DGKD: variants seen among roughly 807,000 people sequenced by gnomAD.
The protein encoded by DGKD is DAG kinase delta.
In DGKD, 68 loss-of-function variants were observed where a neutral mutation model predicts 154.4. That is an observed-to-expected ratio of 0.44 (90% CI 0.36 to 0.54). The LOEUF is 0.54. Ranked by LOEUF, DGKD falls within the 20% of genes least tolerant of loss-of-function variation. DGKD has a pLI of 0.00. For synonymous variants in DGKD, 693 were observed against 638.0 expected (o/e 1.09, Z -1.30); for missense variants, 1,343 against 1,593.6 (o/e 0.84, Z 2.68).
At chr2:233,443,658 TA>T (rs2062969422) in intron 10 of DGKD, among the ~76,000 whole-genome samples, 1 of 152,258 alleles carries the variant, frequency 6.6e-6, no homozygotes, top group African/African-American at 2.4e-5. Context: ...CACTTGGTAG[TA>T]TTTCCAGGTG....
At chr2:233,447,325 C>T (rs2063114793) in intron 12 of DGKD, among the ~76,000 whole-genome samples, 1 of 152,144 alleles carries the variant, frequency 6.6e-6, no homozygotes, top group Non-Finnish European at 1.5e-5. Context: ...CTACAGTTTC[C>T]CTCAGAGAAC....
Position 233,434,873 on chromosome 2 carries a change from G to C in DGKD, c.558G>C (p.Gly186=). Residue 186 remains glycine, a synonymous_variant, in exon 5 of 30, where the codon GGG becomes GGC. Transcript: ENST00000264057. ...YCNVCREALS[G]VTSHGLSCEV... is the part of the protein sequence containing the mutation. ...ATGTGTGCCGTGAGGCTCTGTCTGGGGTCACGTCGCACGGGCTGTCCTGCG... is the reference window on the plus strand; with the variant it reads ...ATGTGTGCCGTGAGGCTCTGTCTGGCGTCACGTCGCACGGGCTGTCCTGCG... 6.2e-7 allele frequency: 1 copy of C among 1,614,058 alleles called. No individual in the cohort carries two copies.
rs186510261 is a variant in DGKD at position 233,437,655 on chromosome 2, T to A, written c.922+176T>A. On this transcript the variant is annotated intron_variant, in intron 8 of 29. Coordinates refer to ENST00000264057, the MANE Select transcript of DGKD (RefSeq NM_152879.3). ...AGAGCGGCACACGGCGCCCTGATGCTGCGGCATTGCCCTTAGATGGGCCAG... is the reference window on the plus strand; with the variant it reads ...AGAGCGGCACACGGCGCCCTGATGCAGCGGCATTGCCCTTAGATGGGCCAG... 3.7e-3 allele frequency among the ~76,000 whole-genome samples: 570 copies of A among 152,326 alleles called. 2 individuals are homozygous for A. Among genetic ancestry groups the A allele is most frequent in the Middle Eastern group, 6.8e-3 (2 of 294 alleles).
intron 27 of DGKD, among the ~76,000 whole-genome samples, chr2:233,466,445 A>G (rs190621677): frequency 1.3e-5 from 2 of 151,818 alleles, no homozygotes; most frequent in African/African-American, 2.4e-5. Flanking sequence ...TGCTTGCTAT[A>G]TTTTTTCATA....
intron 26 of DGKD, among the ~76,000 whole-genome samples, chr2:233,463,463 TGTC>T (rs2063724211): frequency 9.0e-6 from 1 of 111,286 alleles, no homozygotes; most frequent in African/African-American, 4.5e-5. Context: ...ACTCCACGCA[TGTC>T]CTCACTGCAC....
chr2:233,427,094 C>T (rs749135495), intron 3 of DGKD, among the ~76,000 whole-genome samples: 2 of 152,170 alleles, frequency 1.3e-5, no homozygotes, highest in African/African-American at 4.8e-5. Context: ...TCTAGCCTGC[C>T]TCAGGATTCT....
intron 24 of DGKD, among the ~76,000 whole-genome samples, chr2:233,460,705 A>T (rs12620624): frequency 1.3e-5 from 2 of 152,122 alleles, no homozygotes; most frequent in Non-Finnish European, 2.9e-5. Flanking sequence ...TCTGGCTAAC[A>T]TGGTGAAACC....
intron 1 of DGKD, among the ~76,000 whole-genome samples, chr2:233,386,754 T>C (rs1195488578): frequency 6.6e-6 from 1 of 152,220 alleles, no homozygotes; most frequent in Non-Finnish European, 1.5e-5. Flanking sequence ...TGCCCTGCGC[T>C]GATCCTCTAG....
chr2:233,432,661 A>C (rs186657106), intron 3 of DGKD, among the ~76,000 whole-genome samples: 14 of 152,314 alleles, frequency 9.2e-5, no homozygotes, highest in South Asian at 2.1e-4. Flanking sequence ...TCCGTCTCAA[A>C]AAAACAAAAC....
chr2:233,465,980 T>C (rs903736064), intron 27 of DGKD, among the ~76,000 whole-genome samples: 24 of 152,208 alleles, frequency 1.6e-4, no homozygotes, highest in African/African-American at 5.8e-4. Flanking sequence ...AGGATCACTT[T>C]ACATTGGTAA....
rs777495691 is a variant in DGKD, at chr2:233,460,336, T to G, written c.2972T>G (p.Leu991Arg). The G allele has an allele frequency of 6.2e-7, 1 of 1,613,876 alleles. No individual in the cohort carries two copies. Among genetic ancestry groups the G allele is most frequent in the Non-Finnish European group, 8.5e-7 (1 of 1,179,984 alleles). Residue 991 changes from leucine to arginine, a missense_variant, in exon 24 of 30, where the codon CTC (leucine) becomes CGC (arginine). Transcript: ENST00000264057. Reference sequence around the variant, plus strand: ...CAGTTTGGGCAGGCAGCAGGGGTCCTCATTCACAGGTGGGCTCCTACCCCT... The same window carrying G: ...CAGTTTGGGCAGGCAGCAGGGGTCCGCATTCACAGGTGGGCTCCTACCCCT... ...MDQFGQAAGV[L>R]IHSIREIAQS... is the part of the protein sequence containing the mutation.
At chr2:233,429,647 C>A (rs960113012) in intron 3 of DGKD, among the ~76,000 whole-genome samples, 1 of 152,248 alleles carries the variant, frequency 6.6e-6, no homozygotes, top group African/African-American at 2.4e-5. Flanking sequence ...CTAGAGGAGA[C>A]ACCTAGCCAG....
intron 3 of DGKD, among the ~76,000 whole-genome samples, chr2:233,431,278 G>T (rs2062499811): frequency 6.6e-6 from 1 of 151,812 alleles, no homozygotes; most frequent in Admixed American, 6.6e-5. Context: ...AGAAGTGAGA[G>T]ATTTCTACAA....
intron 3 of DGKD, among the ~76,000 whole-genome samples, chr2:233,396,951 A>T (rs867347997): frequency 0.019 from 1,630 of 85,954 alleles, 10 homozygotes; most frequent in African/African-American, 0.04. Flanking sequence ...GCGAGAGGAC[A>T]CCAGAGGGGA....
In DGKD at chr2:233,371,548, A is replaced by C. The variant is rs151143835; in HGVS notation, c.157-16709A>C. On this transcript the variant is annotated intron_variant, in intron 1 of 29. Transcript: ENST00000264057. ...GGCACAAAAGTTTTGAATTTTGATG[A>C]AGTCCAATTTTTTTCTTTTGTTGCT... Among the ~76,000 whole-genome samples the C allele has an allele frequency of 6.2e-3, 942 of 152,308 alleles. 9 individuals are homozygous for C. The highest frequency in any genetic ancestry group is 0.021 in the African/African-American group (878 of 41,562).
chr2:233,387,826 T>C (rs1455219974), intron 1 of DGKD, among the ~76,000 whole-genome samples: 1 of 152,108 alleles, frequency 6.6e-6, no homozygotes, highest in Non-Finnish European at 1.5e-5. Context: ...GGCAGCAGCA[T>C]CCTGAGAAAT....
intron 10 of DGKD, among the ~76,000 whole-genome samples, chr2:233,444,753 C>T (rs1246129794): frequency 6.6e-6 from 1 of 151,072 alleles, no homozygotes. Flanking sequence ...GCTGTCCCCA[C>T]AGGCGGCAGG....
At position 233,420,834 on chromosome 2, in the gene DGKD, C is replaced by T. The variant is rs994330921; in HGVS notation, c.349-13546C>T. 7.9e-5 allele frequency among the ~76,000 whole-genome samples: 12 copies of T among 152,292 alleles called. No individual in the cohort carries two copies. In the Middle Eastern group the frequency reaches 0.01, roughly 130 times the overall value. ...CTCTGTAGTGTTCCAGTACCTAAGA[C>T]GTCCTGTTGTGGACGTACACTTTCC... is the stretch of plus-strand genomic sequence containing the variant. On this transcript the variant is annotated intron_variant, in intron 3 of 29. Coordinates refer to ENST00000264057, the MANE Select transcript of DGKD (RefSeq NM_152879.3).
intron 3 of DGKD, among the ~76,000 whole-genome samples, chr2:233,409,477 G>A (rs1226055354): frequency 6.6e-6 from 1 of 151,284 alleles, no homozygotes; most frequent in Non-Finnish European, 1.5e-5. Context: ...AATGTGTCAC[G>A]GTGTGATTGA....
Sources: allele counts gnomAD v4.1 joint callset (sites outside exome capture counted in the v4.1 genomes callset), GRCh38; gene constraint gnomAD v4.1.1; transcripts MANE v1.5; gene names NCBI Gene and HGNC (gene_info 2026-07-23, HGNC 2026-07-21).